LAMB1: variants seen among roughly 807,000 people sequenced by gnomAD.
LAMB1 encodes the protein laminin subunit beta 1, also known as laminin subunit beta-1.
LAMB1 carries 121 observed loss-of-function variants against 222.3 expected under a neutral mutation model. The observed-to-expected ratio is 0.54, with a 90% CI of 0.47 to 0.63. The LOEUF (loss-of-function observed/expected upper bound fraction) is 0.63, where lower values mean the gene tolerates loss of function less well. LAMB1 is among the 30% of genes least tolerant of loss of function. LAMB1 has a pLI of 0.00. For synonymous variants in LAMB1, 794 were observed against 807.2 expected (o/e 0.98, Z 0.28); for missense variants, 2,172 against 2,240.8 (o/e 0.97, Z 0.62).
intron 9 of LAMB1, among the ~76,000 whole-genome samples, chr7:107,976,249 T>C (rs2033852229): frequency 6.6e-6 from 1 of 152,262 alleles, no homozygotes; most frequent in South Asian, 2.1e-4. Context: ...AAGAACACTG[T>C]AGCGAGGGAC....
intron 22 of LAMB1, 66 bp from the exon 23 acceptor site, chr7:107,952,289 C>CT: frequency 8.2e-7 from 1 of 1,215,892 alleles, no homozygotes; most frequent in Non-Finnish European, 1.2e-6. Context: ...GGATGTTAGC[C>CT]ACATCTAAAT....
Position 107,975,633 on chromosome 7 carries a change from G to A in LAMB1, c.1189+56C>T, listed in dbSNP as rs11770342. The A allele has an allele frequency of 0.095, 144,172 of 1,513,398 alleles. 7,355 individuals carry two copies. The highest frequency in any genetic ancestry group is 0.15 in the Admixed American group (8,478 of 54,814). The allele number at this position is 1,513,398 out of a possible 1,614,324, so 93.7% of individuals were successfully genotyped here. A position where few individuals can be genotyped will look rare whatever the true frequency, so the allele number is the denominator to read the frequency against. ...GAGCTCTGAGACTACTGACTATTCA[G>A]TTTGGAAGGCAATCTGAAGTAGGTC... On this transcript the variant is annotated intron_variant, in intron 10 of 33. Transcript: ENST00000222399.
In LAMB1 at chr7:107,977,945, TTTCTACCCTCTGCAAAACAGTACAC is replaced by T. The variant is rs1164509524; in HGVS notation, c.1000+77_1000+101del. On this transcript the variant is annotated intron_variant, in intron 9 of 33. Coordinates refer to ENST00000222399, the MANE Select transcript of LAMB1 (RefSeq NM_002291.3). ...TGAAGCTGGAAAAAAGACAGTAACT[TTTCTACCCTCTGCAAAACAGTACAC>T]TGTTACAGTACCTCTAATTAGGAAA... 3 of 1,367,050 alleles carry T rather than the reference TTTCTACCCTCTGCAAAACAGTACAC, an allele frequency of 2.2e-6. No individual in the cohort carries two copies. In the African/African-American group the frequency reaches 4.3e-5, roughly 20 times the overall value. 84.7% of individuals were successfully genotyped at this position (1,367,050 alleles called of 1,614,324 possible). A position where few individuals can be genotyped will look rare whatever the true frequency, so the allele number is the denominator to read the frequency against.
rs1229813682 is a variant in LAMB1 at position 107,929,092 on chromosome 7, A to G, written c.4859T>C (p.Ile1620Thr). 10 of 1,613,832 alleles carry G rather than the reference A, an allele frequency of 6.2e-6. 1 individual carries two copies. The highest frequency in any genetic ancestry group is 3.3e-4 in the Middle Eastern group (2 of 6,074). Residue 1620 changes from isoleucine to threonine, a missense_variant, in exon 31 of 34, where the codon ATT becomes ACT. Ile to Thr is a moderately conservative substitution (Grantham distance 89). Coordinates refer to ENST00000222399, the MANE Select transcript of LAMB1 (RefSeq NM_002291.3). Reference protein sequence around the residue: ...EKAIKQADEDIQGTQNLLTSI... With the variant: ...EKAIKQADEDTQGTQNLLTSI... ...AGTTAACAGGTTCTGGGTTCCTTGAATGTCTTCATCTGCTTGTTTAATTGC... is the reference window on the plus strand; with the variant it reads ...AGTTAACAGGTTCTGGGTTCCTTGAGTGTCTTCATCTGCTTGTTTAATTGC...
In LAMB1 at chr7:107,940,279, A is replaced by G. The variant is rs975523801; in HGVS notation, c.3471T>C (p.Val1157=). Residue 1157 remains valine (V), a synonymous_variant, in exon 25 of 34, where the codon GTT becomes GTC. Coordinates refer to ENST00000222399, the MANE Select transcript of LAMB1 (RefSeq NM_002291.3). ...STGQCVCVEG[V]EGPRCDKCTR... is the part of the protein sequence containing the mutation. The stretch of plus-strand genomic sequence containing the variant: ...TGCACTTGTCACAGCGTGGACCCTC[A>G]ACACCCTCAACGCAGACACACTGGC... 6.8e-6 allele frequency: 11 copies of G among 1,614,090 alleles called. No individual in the cohort carries two copies. In the Admixed American group the frequency reaches 8.3e-5, roughly 12 times the overall value.
chr7:107,929,363 C>T (rs2032649738), intron 30 of LAMB1, 49 bp downstream of exon 30: 2 of 1,552,816 alleles, frequency 1.3e-6, no homozygotes, highest in Non-Finnish European at 8.9e-7. Flanking sequence ...CTTTTTACTC[C>T]ATGATAGATA....
rs148727760 is a variant in LAMB1, at chr7:107,981,970, C to T, written c.677-1159G>A. ...ACTTTTTTGTCCCAGTTTTACAAAA[C>T]GTTTCCACGTTTCTCAATATTATAT... On this transcript the variant is annotated intron_variant, in intron 7 of 33. Coordinates refer to ENST00000222399, the MANE Select transcript of LAMB1 (RefSeq NM_002291.3). 7.9e-3 allele frequency among the ~76,000 whole-genome samples: 1,200 copies of T among 152,296 alleles called. 24 individuals are homozygous for T. Among genetic ancestry groups the T allele is most frequent in the African/African-American group, 0.027 (1,127 of 41,550 alleles).
At chr7:108,000,477 T>C (rs771603784) in intron 3 of LAMB1, among the ~76,000 whole-genome samples, 11 of 152,242 alleles carry the variant, frequency 7.2e-5, no homozygotes, top group Non-Finnish European at 1.6e-4. Context: ...AGCAATTAGC[T>C]TGGAACTTGC....
At chr7:107,965,176 G>T (rs770869430) in intron 13 of LAMB1, among the ~76,000 whole-genome samples, 3 of 152,174 alleles carry the variant, frequency 2.0e-5, no homozygotes, top group African/African-American at 7.2e-5. Context: ...TTTAGTCCCC[G>T]TTCTTCTCCA....
intron 3 of LAMB1, among the ~76,000 whole-genome samples, chr7:108,001,185 G>A (rs778533382): frequency 2.0e-5 from 3 of 152,182 alleles, no homozygotes; most frequent in Admixed American, 6.5e-5. Flanking sequence ...GTGAAGATGC[G>A]GTAGAGGGGG....
intron 20 of LAMB1, 26 bp from the exon 21 acceptor site, chr7:107,955,656 G>T: frequency 6.3e-7 from 1 of 1,586,080 alleles, no homozygotes; most frequent in Non-Finnish European, 8.6e-7. Context: ...AAGAGAACAG[G>T]CCATGACCCC....
chr7:107,938,353 T>C (rs1479113287), intron 25 of LAMB1, among the ~76,000 whole-genome samples: 1 of 152,246 alleles, frequency 6.6e-6, no homozygotes, highest in East Asian at 1.9e-4. Flanking sequence ...AGTGCTTTGC[T>C]TTTATTAATT....
chr7:107,947,271 C>T (rs991487797), intron 24 of LAMB1, among the ~76,000 whole-genome samples: 1 of 152,216 alleles, frequency 6.6e-6, no homozygotes, highest in Non-Finnish European at 1.5e-5. Context: ...AAGGAGAATA[C>T]TTAGCTAGGA....
rs1584489501 is a variant in LAMB1 at position 107,938,395 on chromosome 7, C to T, written c.3762-1118G>A. Among the ~76,000 whole-genome samples, 5 of 149,754 alleles carry T rather than the reference C, an allele frequency of 3.3e-5. No homozygotes were observed. In the South Asian group the frequency reaches 1.1e-3, roughly 32 times the overall value. The stretch of plus-strand genomic sequence containing the variant: ...CTCACAGAAGGCTTTCATTTCTTCT[C>T]AGGTCTCATAAAATGATACAATTTT... On this transcript the variant is annotated intron_variant, in intron 25 of 33. Coordinates refer to ENST00000222399, the MANE Select transcript of LAMB1 (RefSeq NM_002291.3).
At chr7:107,997,957 G>C (rs889970580) in intron 4 of LAMB1, among the ~76,000 whole-genome samples, 9 of 152,020 alleles carry the variant, frequency 5.9e-5, no homozygotes, top group African/African-American at 1.9e-4. Flanking sequence ...GAAGGCAGTG[G>C]GGGGAGGAGT....
In LAMB1 at chr7:107,924,003, G is replaced by A. The variant is rs1250102777; in HGVS notation, c.5309C>T (p.Ser1770Leu). ...ELARLEGEVR[S>L]LLKDISQKVA... ...TTTCTGGCTTATATCCTTTAGGAGTGAACGGACTTCTCCTTCCAGTCTTGC... is the reference window on the plus strand; with the variant it reads ...TTTCTGGCTTATATCCTTTAGGAGTAAACGGACTTCTCCTTCCAGTCTTGC... The change falls in exon 34 of 34, where the codon TCA becomes TTA. Residue 1770 changes from serine to leucine, a missense_variant. Coordinates refer to ENST00000222399, the MANE Select transcript of LAMB1 (RefSeq NM_002291.3). 3.7e-6 allele frequency: 6 copies of A among 1,604,500 alleles called. No homozygotes were observed. Among genetic ancestry groups the A allele is most frequent in the Non-Finnish European group, 5.1e-6 (6 of 1,177,764 alleles).
At chr7:108,003,030 T>C in intron 1 of LAMB1, 59 bp from the exon 2 acceptor site, 1 of 1,447,044 alleles carries the variant, frequency 6.9e-7, no homozygotes, top group Non-Finnish European at 9.0e-7. Flanking sequence ...AGAGGCGCCC[T>C]TCCATTTCCT....
intron 7 of LAMB1, among the ~76,000 whole-genome samples, chr7:107,985,802 A>C (rs1420462110): frequency 1.3e-5 from 2 of 151,854 alleles, no homozygotes; most frequent in East Asian, 3.9e-4. Context: ...TACTAAAAAT[A>C]CAAAATTAGC....
At chr7:107,948,108 TCCCAAGTAGC>T in intron 24 of LAMB1, among the ~76,000 whole-genome samples, 1 of 149,198 alleles carries the variant, frequency 6.7e-6, no homozygotes, top group Non-Finnish European at 1.5e-5. Context: ...TGCCTCAGCC[TCCCAAGTAGC>T]TGGGATTATA....
Sources: allele counts gnomAD v4.1 joint callset (sites outside exome capture counted in the v4.1 genomes callset), GRCh38; gene constraint gnomAD v4.1.1; transcripts MANE v1.5; gene names NCBI Gene and HGNC (gene_info 2026-07-23, HGNC 2026-07-21).